The following COMMD10 variants were observed in gnomAD, a reference collection of about 807,000 sequenced individuals.
COMMD10 encodes the protein COMM domain-containing protein 10.
Under a neutral mutation model 28.9 loss-of-function variants are expected in COMMD10, and 33 were observed. That is an observed-to-expected ratio of 1.14 (90% CI 0.87 to 1.53). COMMD10 has a LOEUF of 1.53. COMMD10 is among the 40% of genes most tolerant of loss of function. The pLI is 0.00. For synonymous variants in COMMD10, 110 were observed against 81.7 expected, an observed-to-expected ratio of 1.35 and a Z score of -1.87; for missense variants, 310 against 233.4, an observed-to-expected ratio of 1.33 and a Z score of -2.14.
intron 5 of COMMD10, among the ~76,000 whole-genome samples, chr5:116,268,253 GA>G (rs1434098469): frequency 2.0e-5 from 3 of 151,594 alleles, no homozygotes; most frequent in East Asian, 1.9e-4. Flanking sequence ...AAATTTACAA[GA>G]AAAAAATCAA....
At chr5:116,267,183 T>C (rs1035913109) in intron 5 of COMMD10, among the ~76,000 whole-genome samples, 1 of 152,062 alleles carries the variant, frequency 6.6e-6, no homozygotes, top group Admixed American at 6.5e-5. Flanking sequence ...GACATGATTG[T>C]GTATTTAGAA....
chr5:116,141,774 T>C (rs781698573), intron 5 of COMMD10, among the ~76,000 whole-genome samples: 1 of 151,858 alleles, frequency 6.6e-6, no homozygotes, highest in Non-Finnish European at 1.5e-5. Flanking sequence ...GTCATTATTT[T>C]TGTGAAGAAA....
At chr5:116,186,699 A>T (rs1288850395) in intron 5 of COMMD10, among the ~76,000 whole-genome samples, 1 of 152,098 alleles carries the variant, frequency 6.6e-6, no homozygotes, top group African/African-American at 2.4e-5. Context: ...AGGACTGGAG[A>T]GGGGAGCTCA....
intron 5 of COMMD10, among the ~76,000 whole-genome samples, chr5:116,159,111 A>G (rs928904699): frequency 1.3e-5 from 2 of 152,128 alleles, no homozygotes; most frequent in African/African-American, 2.4e-5. Context: ...TAATAGTCAT[A>G]CTTTTAAAAT....
At chr5:116,271,580 G>A (rs1395343745) in intron 5 of COMMD10, among the ~76,000 whole-genome samples, 3 of 151,584 alleles carry the variant, frequency 2.0e-5, no homozygotes, top group Non-Finnish European at 4.4e-5. Flanking sequence ...TTACTCCTAA[G>A]CTACCAGTAT....
intron 4 of COMMD10, among the ~76,000 whole-genome samples, chr5:116,131,492 G>T (rs560200240): frequency 6.6e-6 from 1 of 151,862 alleles, no homozygotes; most frequent in African/African-American, 2.4e-5. Flanking sequence ...TCCTACCAAA[G>T]CCATAGCCAA....
intron 5 of COMMD10, among the ~76,000 whole-genome samples, chr5:116,177,493 TATG>T (rs1443166448): frequency 6.6e-6 from 1 of 151,008 alleles, no homozygotes; most frequent in African/African-American, 2.5e-5. Flanking sequence ...AAAGTTCTGA[TATG>T]ATACTTTCCT....
At chr5:116,279,349 G>A (rs1320208946) in intron 5 of COMMD10, among the ~76,000 whole-genome samples, 1 of 151,838 alleles carries the variant, frequency 6.6e-6, no homozygotes, top group Non-Finnish European at 1.5e-5. Context: ...AAAATTAAAA[G>A]TTATTCGATT....
At chr5:116,106,717 T>C (rs1025217758) in intron 4 of COMMD10, among the ~76,000 whole-genome samples, 1 of 152,214 alleles carries the variant, frequency 6.6e-6, no homozygotes, top group African/African-American at 2.4e-5. Context: ...GTTGCATTGA[T>C]CCCCTTGCCA....
intron 4 of COMMD10, among the ~76,000 whole-genome samples, chr5:116,104,641 A>G (rs578118849): frequency 6.7e-6 from 1 of 149,726 alleles, no homozygotes; most frequent in East Asian, 2.0e-4. Context: ...TTTTTTTGAG[A>G]CGGAGTCTCA....
chr5:116,163,172 T>C (rs978138371), intron 5 of COMMD10, among the ~76,000 whole-genome samples: 1 of 130,764 alleles, frequency 7.6e-6, no homozygotes, highest in Admixed American at 7.2e-5. Flanking sequence ...ACTTTTAATA[T>C]CAAAAGATAG....
intron 4 of COMMD10, among the ~76,000 whole-genome samples, chr5:116,132,698 A>G (rs1409306928): frequency 1.3e-5 from 2 of 152,132 alleles, no homozygotes; most frequent in Non-Finnish European, 2.9e-5. Context: ...AATGGTTATG[A>G]CATTTATTCC....
At chr5:116,085,175 G>A in intron 1 of COMMD10, 82 bp downstream of exon 1, 3 of 1,256,508 alleles carry the variant, frequency 2.4e-6, no homozygotes, top group Admixed American at 2.3e-5. Context: ...CTTGCTGCCT[G>A]CCGCCTGGGC....
intron 4 of COMMD10, among the ~76,000 whole-genome samples, chr5:116,096,472 T>C (rs541604261): frequency 6.6e-6 from 1 of 152,220 alleles, no homozygotes; most frequent in South Asian, 2.1e-4. Context: ...CACTAATTAG[T>C]TTTAGCAGCT....
At chr5:116,263,521 G>T (rs777529203) in intron 5 of COMMD10, among the ~76,000 whole-genome samples, 1 of 151,456 alleles carries the variant, frequency 6.6e-6, no homozygotes, top group Non-Finnish European at 1.5e-5. Context: ...CCAGATCCAG[G>T]CGATAATCAA....
intron 5 of COMMD10, among the ~76,000 whole-genome samples, chr5:116,204,169 C>T (rs1240488873): frequency 6.6e-6 from 1 of 152,132 alleles, no homozygotes; most frequent in Non-Finnish European, 1.5e-5. Flanking sequence ...GTAAAGGGAT[C>T]AATTCAACAA....
intron 5 of COMMD10, among the ~76,000 whole-genome samples, chr5:116,215,206 A>G (rs73780896): frequency 6.6e-6 from 1 of 151,492 alleles, no homozygotes; most frequent in Non-Finnish European, 1.5e-5. Flanking sequence ...CAAATGGGTA[A>G]AAAATTTGGG....
At chr5:116,261,457 G>T (rs1293851436) in intron 5 of COMMD10, among the ~76,000 whole-genome samples, 2 of 151,724 alleles carry the variant, frequency 1.3e-5, no homozygotes, top group Admixed American at 6.6e-5. Context: ...TAATGTAGAT[G>T]TGTATTCTTC....
chr5:116,096,585 T>C (rs184210490), intron 4 of COMMD10, among the ~76,000 whole-genome samples: 2 of 152,266 alleles, frequency 1.3e-5, no homozygotes, highest in Admixed American at 6.5e-5. Context: ...TTTATTTTTC[T>C]TGCTTTATTT....
Sources: allele counts gnomAD v4.1 joint callset (sites outside exome capture counted in the v4.1 genomes callset), GRCh38; gene constraint gnomAD v4.1.1; transcripts MANE v1.5; gene names NCBI Gene and HGNC (gene_info 2026-07-23, HGNC 2026-07-21).